The following SNX29 variants were observed in gnomAD, a reference collection of about 807,000 sequenced individuals.
The protein encoded by SNX29 is sorting nexin-29.
In SNX29, 78 loss-of-function variants were observed where a neutral mutation model predicts 102.1. That is an observed-to-expected ratio of 0.76 (90% CI 0.64 to 0.92). SNX29 has a LOEUF of 0.92. SNX29 is among the 40% of genes least tolerant of loss of function. The pLI, the probability that SNX29 is intolerant of heterozygous loss-of-function variation, is 0.00. For missense variants in SNX29, 1,280 were observed against 1,061.7 expected, an observed-to-expected ratio of 1.21 and a Z score of -2.86; for synonymous variants, 580 against 414.5, an observed-to-expected ratio of 1.40 and a Z score of -4.85.
intron 15 of SNX29, among the ~76,000 whole-genome samples, chr16:12,290,509 C>T (rs56361303): frequency 0.054 from 8,256 of 152,208 alleles, 749 homozygotes; most frequent in African/African-American, 0.19. Context: ...AGTACGGTGT[C>T]GTGAATGTGT....
chr16:12,451,475 C>T (rs1597424518), intron 18 of SNX29, among the ~76,000 whole-genome samples: 2 of 152,224 alleles, frequency 1.3e-5, no homozygotes, highest in Admixed American at 6.5e-5. Flanking sequence ...GACCTGTGAC[C>T]TGCTCTGTTC....
At chr16:12,083,574 C>T (rs1480480144) in intron 11 of SNX29, among the ~76,000 whole-genome samples, 1 of 152,140 alleles carries the variant, frequency 6.6e-6, no homozygotes, top group Non-Finnish European at 1.5e-5. Context: ...GCCTTGTCTC[C>T]ATATAAACTC....
chr16:12,026,966 C>T (rs1042541701), intron 3 of SNX29, among the ~76,000 whole-genome samples: 5 of 152,198 alleles, frequency 3.3e-5, no homozygotes, highest in African/African-American at 1.2e-4. Flanking sequence ...ATGCAATTAA[C>T]ATCCAACCGC....
At chr16:12,148,780 C>G (rs2055173944) in intron 13 of SNX29, among the ~76,000 whole-genome samples, 1 of 152,158 alleles carries the variant, frequency 6.6e-6, no homozygotes, top group African/African-American at 2.4e-5. Context: ...TCACCGCAAC[C>G]TCCACCTCCC....
In SNX29 at chr16:12,011,104, T is replaced by C. The variant is rs375218761; in HGVS notation, c.122+8061T>C. On this transcript the variant is annotated intron_variant, in intron 3 of 20. Transcript: ENST00000566228. ...TCTCCCCCTCCCTTACCCCAAGTAC[T>C]TTATTTCCACTTTGAGGCTCTGTAG... Among the ~76,000 whole-genome samples the C allele has an allele frequency of 3.3e-5, 5 of 152,170 alleles. No individual in the cohort carries two copies. The South Asian group carries it at 1.0e-3, about 32-fold the overall frequency.
At chr16:12,372,169 A>AT (rs1167781743) in intron 16 of SNX29, among the ~76,000 whole-genome samples, 38 of 152,138 alleles carry the variant, frequency 2.5e-4, no homozygotes, top group Admixed American at 2.5e-3. Context: ...ACGCACATCT[A>AT]TTTTTAACAC....
At chr16:12,345,808 C>T (rs1278073462) in intron 15 of SNX29, among the ~76,000 whole-genome samples, 2 of 152,160 alleles carry the variant, frequency 1.3e-5, no homozygotes, top group Non-Finnish European at 2.9e-5. Context: ...CTGCCCTCTC[C>T]TCCCACCTCC....
chr16:11,992,064 G>A (rs755787339), intron 1 of SNX29, among the ~76,000 whole-genome samples: 1 of 152,142 alleles, frequency 6.6e-6, no homozygotes, highest in Non-Finnish European at 1.5e-5. Flanking sequence ...AGGGACTGAG[G>A]CAGGAGGATC....
At chr16:12,038,893 T>G (rs1365428375) in intron 4 of SNX29, 1 of 152,176 alleles carries the variant, frequency 6.6e-6, no homozygotes, top group African/African-American at 2.4e-5. Flanking sequence ...GTCGCCAGAT[T>G]CCCCGTCCTG....
At chr16:12,373,996 A>G (rs2082781666) in intron 16 of SNX29, 1 of 152,264 alleles carries the variant, frequency 6.6e-6, no homozygotes, top group African/African-American at 2.4e-5. Context: ...TGGTGCCTTC[A>G]GCAGTGGCTG....
chr16:12,366,905 G>A (rs1296389375), intron 16 of SNX29: 6 of 149,484 alleles, frequency 4.0e-5, no homozygotes, highest in African/African-American at 1.5e-4. Flanking sequence ...TCTCTCTGTG[G>A]TTGCAATCCT....
At chr16:12,556,088 C>T (rs1038267636) in intron 20 of SNX29, among the ~76,000 whole-genome samples, 6 of 152,090 alleles carry the variant, frequency 3.9e-5, no homozygotes, top group African/African-American at 1.2e-4. Flanking sequence ...GAATTAATTT[C>T]TGCTTTCATT....
intron 14 of SNX29, among the ~76,000 whole-genome samples, chr16:12,201,058 G>A (rs1467419574): frequency 6.6e-6 from 1 of 152,162 alleles, no homozygotes; most frequent in Non-Finnish European, 1.5e-5. Flanking sequence ...TTTGAAGCTT[G>A]TATATTTCTT....
chr16:12,344,238 A>C (rs1741346629), intron 15 of SNX29, among the ~76,000 whole-genome samples: 1 of 152,222 alleles, frequency 6.6e-6, no homozygotes, highest in Non-Finnish European at 1.5e-5. Flanking sequence ...CAGCATGAGA[A>C]CAGACTAATA....
At chr16:12,418,492 C>G (rs1199383422) in intron 18 of SNX29, among the ~76,000 whole-genome samples, 2 of 151,308 alleles carry the variant, frequency 1.3e-5, no homozygotes, top group African/African-American at 4.9e-5. Context: ...GCACCAGTTT[C>G]TGTCCTTCTG....
chr16:12,455,417 G>T (rs1396137522), intron 18 of SNX29, among the ~76,000 whole-genome samples: 1 of 152,022 alleles, frequency 6.6e-6, no homozygotes, highest in Admixed American at 6.5e-5. Flanking sequence ...GCCAGCACCC[G>T]CCGTGGCTGT....
intron 14 of SNX29, among the ~76,000 whole-genome samples, chr16:12,272,616 T>C (rs1347293331): frequency 6.6e-6 from 1 of 152,240 alleles, no homozygotes; most frequent in Admixed American, 6.5e-5. Flanking sequence ...ATCACTAACA[T>C]ATAATCATAG....
At chr16:12,131,023 T>C (rs2054443067) in intron 13 of SNX29, among the ~76,000 whole-genome samples, 1 of 152,166 alleles carries the variant, frequency 6.6e-6, no homozygotes, top group Admixed American at 6.5e-5. Context: ...TTCCTGGAAG[T>C]AGGATTGCTG....
At chr16:12,556,081 TTAA>T (rs2078327367) in intron 20 of SNX29, among the ~76,000 whole-genome samples, 1 of 152,298 alleles carries the variant, frequency 6.6e-6, no homozygotes, top group South Asian at 2.1e-4. Flanking sequence ...TCTTATAGAA[TTAA>T]TTTCTGCTTT....
Sources: gnomAD v4.1 joint callset for allele counts (sites outside exome capture counted in the v4.1 genomes callset) on GRCh38, gnomAD v4.1.1 for gene constraint, MANE v1.5 for transcripts, NCBI Gene and HGNC (gene_info 2026-07-23, HGNC 2026-07-21) for gene names.